The following MARS1 variants were observed in gnomAD, a reference collection of about 807,000 sequenced individuals.
The protein encoded by MARS1 is methionyl-tRNA synthetase 1.
In MARS1, 80 loss-of-function variants were observed where a neutral mutation model predicts 119.5. That is an observed-to-expected ratio of 0.67 (90% CI 0.56 to 0.81). The LOEUF is 0.81. Ranked by LOEUF, MARS1 falls within the 30% of genes least tolerant of loss-of-function variation. The probability of loss-of-function intolerance (pLI) is 0.00; values close to 1 mark genes in which losing one functional copy is unlikely to be tolerated. For synonymous variants in MARS1, 418 were observed against 433.4 expected, an observed-to-expected ratio of 0.96 and a Z score of 0.44; for missense variants, 945 against 1,116.5, an observed-to-expected ratio of 0.85 and a Z score of 2.19.
intron 7 of MARS1, among the ~76,000 whole-genome samples, chr12:57,497,118 G>T (rs2140015393): frequency 1.3e-5 from 2 of 152,318 alleles, no homozygotes; most frequent in Middle Eastern, 3.4e-3. Context: ...GTACAAAGTG[G>T]TTAGGGGGTT....
chr12:57,503,111 C>G (rs887935279), intron 10 of MARS1, among the ~76,000 whole-genome samples: 1 of 152,130 alleles, frequency 6.6e-6, no homozygotes, highest in Non-Finnish European at 1.5e-5. Flanking sequence ...ACAAAAAACT[C>G]GAAAGTTTTC....
intron 18 of MARS1, among the ~76,000 whole-genome samples, chr12:57,515,704 T>C (rs749085887): frequency 6.6e-5 from 10 of 152,214 alleles, no homozygotes; most frequent in Non-Finnish European, 1.3e-4. Context: ...CAGCCTAGCA[T>C]CCTTAGAGAG....
intron 13 of MARS1, 21 bp downstream of exon 13, chr12:57,512,124 C>T (rs755448718): frequency 1.9e-6 from 3 of 1,611,858 alleles, no homozygotes; most frequent in Non-Finnish European, 1.7e-6. Context: ...CTTGGTTAGG[C>T]TGTGCATGGG....
At chr12:57,498,022 G>A (rs1381512152) in intron 7 of MARS1, 135 bp from the exon 8 acceptor site, 12 of 684,966 alleles carry the variant, frequency 1.8e-5, no homozygotes, top group Non-Finnish European at 2.4e-5. Flanking sequence ...CTGTGGGTTT[G>A]TGTGCAGAAA....
chr12:57,498,521 A>C lies in MARS1; in HGVS notation c.989A>C (p.Gln330Pro), dbSNP rs747834192. 18 of 1,614,234 alleles carry C rather than the reference A, an allele frequency of 1.1e-5. No individual in the cohort carries two copies. Among genetic ancestry groups the C allele is most frequent in the Middle Eastern group, 1.6e-4 (1 of 6,062 alleles). ...TKALEEGLTP[Q>P]EICDKYHIIH... ...GCTCTGGAGGAGGGACTAACCCCCC[A>C]GGAGATCTGCGACAAGTACCACATC... The change falls in exon 9 of 21, where the codon CAG becomes CCG. Residue 330 changes from glutamine (Q) to proline (P), a missense_variant. Coordinates refer to ENST00000262027, the MANE Select transcript of MARS1 (RefSeq NM_004990.4).
chr12:57,489,658 C>G, intron 4 of MARS1, 100 bp downstream of exon 4: 1 of 1,485,778 alleles, frequency 6.7e-7, no homozygotes, highest in South Asian at 1.2e-5. Flanking sequence ...CTGCCACTTA[C>G]TAGTAGTGTA....
rs756430531 is a variant in MARS1 at position 57,511,757 on chromosome 12, C to T, written c.1428C>T (p.Pro476=). Residue 476 remains proline, a synonymous_variant, in exon 12 of 21, where the codon CCC becomes CCT. Coordinates refer to ENST00000262027, the MANE Select transcript of MARS1 (RefSeq NM_004990.4). Reference sequence around the variant, plus strand: ...CATTGCCTGGCAGTGACTGGACACCCAATGCCCAGTTTATCACCCGTTCTT... The same window carrying T: ...CATTGCCTGGCAGTGACTGGACACCTAATGCCCAGTTTATCACCCGTTCTT... ...GRTLPGSDWT[P]NAQFITRSWL... The T allele has an allele frequency of 1.2e-6, 2 of 1,614,196 alleles. No homozygotes were observed. The highest frequency in any genetic ancestry group is 3.3e-5 in the Admixed American group (2 of 60,028).
At position 57,516,586 on chromosome 12, in the gene MARS1, C is replaced by A. The variant is rs763015401; in HGVS notation, c.*5C>A. The A allele has an allele frequency of 7.7e-6, 12 of 1,565,652 alleles. No homozygotes were observed. The highest frequency in any genetic ancestry group is 7.2e-5 in the South Asian group (6 of 83,276). On this transcript the variant is annotated 3_prime_UTR_variant, in exon 21 of 21. Coordinates refer to ENST00000262027, the MANE Select transcript of MARS1 (RefSeq NM_004990.4). ...AAAGGCAAGAAGAAAAAGTAAAAGA[C>A]CTTGGCTCATAGAAAGTCACTTTAA...
chr12:57,488,629 C>T (rs1288670968), intron 1 of MARS1: 2 of 1,551,032 alleles, frequency 1.3e-6, no homozygotes, highest in Non-Finnish European at 8.7e-7. Context: ...CATTCTCAGC[C>T]GATTGTTTGG....
At chr12:57,493,053 C>G (rs1376289214) in intron 7 of MARS1, among the ~76,000 whole-genome samples, 1 of 151,688 alleles carries the variant, frequency 6.6e-6, no homozygotes, top group Non-Finnish European at 1.5e-5. Flanking sequence ...CTGCCTTTTC[C>G]TTCTCTATAG....
chr12:57,507,439 C>T (rs1211274411), intron 11 of MARS1, among the ~76,000 whole-genome samples: 3 of 76,628 alleles, frequency 3.9e-5, no homozygotes, highest in Admixed American at 1.2e-4. Context: ...CGGGCAGAGG[C>T]GCCCCTCACC....
chr12:57,516,088 T>TTTGGCCCTGCCGCTTCCTCAC (rs1194035451), intron 19 of MARS1, 97 bp downstream of exon 19: 1 of 1,439,894 alleles, frequency 6.9e-7, no homozygotes, highest in Admixed American at 1.7e-5. Context: ...CTTTCCATCT[T>TTTGGCCCTGCCGCTTCCTCAC]TTGGCCCTGC....
chr12:57,499,960 A>G (rs1263784627), intron 9 of MARS1, among the ~76,000 whole-genome samples: 2 of 152,244 alleles, frequency 1.3e-5, no homozygotes, highest in African/African-American at 2.4e-5. Context: ...TGATAGTGCT[A>G]TGCAGTTTAG....
rs748465877 is a variant in MARS1, at chr12:57,514,705, C to T, written c.1968-15C>T. On this transcript the variant is annotated splice_polypyrimidine_tract_variant and intron_variant, in intron 15 of 20. Coordinates refer to ENST00000262027, the MANE Select transcript of MARS1 (RefSeq NM_004990.4). ...CCCTCTTTTTTCCACTTCTGCTTTC[C>T]TACTCCCAACCAAGAGCTGGGATGT... is the stretch of plus-strand genomic sequence containing the variant. 3 of 1,613,808 alleles carry T rather than the reference C, an allele frequency of 1.9e-6. No homozygotes were observed. The African/African-American group carries it at 4.0e-5, about 22-fold the overall frequency.
In MARS1 at chr12:57,508,004, G is replaced by T. The variant is rs1345064071; in HGVS notation, c.1369-3694G>T. Among the ~76,000 whole-genome samples the T allele has an allele frequency of 1.4e-4, 22 of 151,748 alleles. 1 individual carries two copies. The highest frequency in any genetic ancestry group is 1.3e-3 in the Admixed American group (20 of 15,252). ...TCAGACGCGGCGGCCGGGCAGAGGC[G>T]CTCCTTACATCCCAGAAAGGGCGGC... On this transcript the variant is annotated intron_variant, in intron 11 of 20. Transcript: ENST00000262027.
Position 57,490,652 on chromosome 12 carries a change from G to A in MARS1, c.770+8G>A, listed in dbSNP as rs1331761584. 2.5e-6 allele frequency: 4 copies of A among 1,612,966 alleles called. No homozygotes were observed. In the East Asian group the frequency reaches 8.9e-5, roughly 36 times the overall value. On this transcript the variant is annotated splice_region_variant and intron_variant, in intron 7 of 20. Coordinates refer to ENST00000262027, the MANE Select transcript of MARS1 (RefSeq NM_004990.4). ...GCCCCAGCAGAATCCAGTGTGAGTA[G>A]ACATGGCACATGTGAGTGGGGCTTG...
At chr12:57,497,631 G>T (rs1876698588) in intron 7 of MARS1, among the ~76,000 whole-genome samples, 1 of 152,162 alleles carries the variant, frequency 6.6e-6, no homozygotes, top group Admixed American at 6.6e-5. Context: ...GCTGGTTTGA[G>T]TTAGGCCATG....
Position 57,500,470 on chromosome 12 carries a change from G to T in MARS1, c.1241G>T (p.Arg414Leu). ...CCCTTCTGTGGCTATGAGGAGGCTC[G>T]GGGTGACCAGTGTGACAAGTGTGGC... is the stretch of plus-strand genomic sequence containing the variant. The part of the protein sequence containing the change: ...VCPFCGYEEA[R>L]GDQCDKCGKL... Residue 414 changes from arginine (R) to leucine (L), a missense_variant, in exon 10 of 21, where the codon CGG becomes CTG. Transcript: ENST00000262027. The T allele has an allele frequency of 6.2e-7, 1 of 1,614,184 alleles. No homozygotes were observed. Among genetic ancestry groups the T allele is most frequent in the Non-Finnish European group, 8.5e-7 (1 of 1,180,038 alleles).
At chr12:57,507,672 T>C (rs1594828133) in intron 11 of MARS1, among the ~76,000 whole-genome samples, 2 of 70,976 alleles carry the variant, frequency 2.8e-5, no homozygotes, top group Admixed American at 1.4e-4. Context: ...GCCCCCCACC[T>C]CCCTCCCGGA....
Sources: allele counts gnomAD v4.1 joint callset (sites outside exome capture counted in the v4.1 genomes callset), GRCh38; gene constraint gnomAD v4.1.1; transcripts MANE v1.5; gene names NCBI Gene and HGNC (gene_info 2026-07-23, HGNC 2026-07-21).